The following RAPGEF2 variants were observed in gnomAD, a reference collection of about 807,000 sequenced individuals.
RAPGEF2 encodes the protein PDZ domain containing guanine nucleotide exchange factor (GEF) 1.
In RAPGEF2, 54 loss-of-function variants were observed where a neutral mutation model predicts 186.7. The ratio of observed to expected loss-of-function variants is 0.29; its 90% confidence interval spans 0.23 to 0.36. The LOEUF is 0.36. Ranked by LOEUF, RAPGEF2 falls within the 10% of genes least tolerant of loss-of-function variation. The pLI is 1.00. For missense variants in RAPGEF2, 1,532 were observed against 2,045.0 expected, an observed-to-expected ratio of 0.75 and a Z score of 4.84; for synonymous variants, 712 against 705.9, an observed-to-expected ratio of 1.01 and a Z score of -0.14.
intron 7 of RAPGEF2, among the ~76,000 whole-genome samples, chr4:159,287,522 T>C (rs1024942923): frequency 4.6e-5 from 7 of 152,266 alleles, no homozygotes; most frequent in Admixed American, 3.9e-4. Flanking sequence ...GGATGTCTCC[T>C]TGAGTGATAG....
intron 2 of RAPGEF2, among the ~76,000 whole-genome samples, chr4:159,190,616 C>A (rs1011661303): frequency 2.0e-5 from 3 of 152,126 alleles, no homozygotes; most frequent in Admixed American, 2.0e-4. Flanking sequence ...CTCATAGTTC[C>A]GCATGGCTGG....
chr4:159,283,312 GTTCT>G (rs1424015201), intron 7 of RAPGEF2, among the ~76,000 whole-genome samples: 1 of 151,932 alleles, frequency 6.6e-6, no homozygotes, highest in Admixed American at 6.6e-5. Flanking sequence ...TTTCCAATGT[GTTCT>G]TTATTTCTTT....
At chr4:159,316,011 G>A (rs1454629831) in intron 9 of RAPGEF2, among the ~76,000 whole-genome samples, 1 of 152,148 alleles carries the variant, frequency 6.6e-6, no homozygotes, top group Non-Finnish European at 1.5e-5. Context: ...CCCTTTCCCG[G>A]TCTGCTAAGT....
intron 2 of RAPGEF2, among the ~76,000 whole-genome samples, chr4:159,192,859 T>C (rs2111313990): frequency 6.6e-6 from 1 of 152,344 alleles, no homozygotes; most frequent in Admixed American, 6.5e-5. Flanking sequence ...TTTAAACTTT[T>C]AGGTTCCTTC....
intron 3 of RAPGEF2, among the ~76,000 whole-genome samples, chr4:159,196,345 T>C (rs1748653141): frequency 6.6e-6 from 1 of 152,220 alleles, no homozygotes; most frequent in African/African-American, 2.4e-5. Flanking sequence ...TTATTACCTT[T>C]TGGGGAAATG....
chr4:159,348,234 AGATAGATAGATG>A (rs1190925635), intron 25 of RAPGEF2, among the ~76,000 whole-genome samples: 4 of 131,312 alleles, frequency 3.0e-5, no homozygotes, highest in South Asian at 5.6e-4. Context: ...ATAGATAGAT[AGATAGATAGATG>A]GATGGATGGA....
chr4:159,108,383 C>CTTTTTT (rs35882271), intron 1 of RAPGEF2, among the ~76,000 whole-genome samples: 3 of 107,872 alleles, frequency 2.8e-5, no homozygotes, highest in Non-Finnish European at 3.9e-5. Flanking sequence ...ACAGAACTTT[C>CTTTTTT]TTTTTTTTTT....
intron 11 of RAPGEF2, among the ~76,000 whole-genome samples, chr4:159,325,817 A>G (rs1180173193): frequency 6.6e-6 from 1 of 152,296 alleles, no homozygotes; most frequent in East Asian, 1.9e-4. Context: ...TGGAAAAGGA[A>G]GAGGAAGTAG....
At chr4:159,289,610 CT>C (rs1345377015) in intron 7 of RAPGEF2, among the ~76,000 whole-genome samples, 2 of 152,142 alleles carry the variant, frequency 1.3e-5, no homozygotes, top group Admixed American at 1.3e-4. Context: ...TAAATACTTA[CT>C]ATACCTTAGG....
At chr4:159,345,395 T>C in intron 24 of RAPGEF2, 66 bp downstream of exon 24, 1 of 1,458,302 alleles carries the variant, frequency 6.9e-7, no homozygotes, top group South Asian at 1.2e-5. Context: ...TGTGCAGTGG[T>C]ATGGGCAGTG....
chr4:159,251,942 ACACT>A (rs1160624496), intron 7 of RAPGEF2, among the ~76,000 whole-genome samples: 3 of 152,142 alleles, frequency 2.0e-5, no homozygotes, highest in African/African-American at 7.2e-5. Context: ...AAGAGCGGTA[ACACT>A]CACCGCGGAG....
Position 159,350,165 on chromosome 4 carries a change from A to G in RAPGEF2, c.3741A>G (p.Lys1247=). The G allele has an allele frequency of 6.3e-7, 1 of 1,576,382 alleles. No homozygotes were observed. Among genetic ancestry groups the G allele is most frequent in the South Asian group, 1.2e-5 (1 of 82,524 alleles). The change falls in exon 26 of 30, where the codon AAA becomes AAG. Residue 1247 remains lysine (K), a synonymous_variant. Transcript: ENST00000691494. ...TAAACTCTCCACAAGCTTTAAAAAAAATTCTTTCTTTGTCTGAAGAAGGAA... is the reference window on the plus strand; with the variant it reads ...TAAACTCTCCACAAGCTTTAAAAAAGATTCTTTCTTTGTCTGAAGAAGGAA... ...FGINSPQALK[K]ILSLSEEGSL...
rs1353497321 is a variant in RAPGEF2 at position 159,353,561 on chromosome 4, A to T, written c.4166A>T (p.Glu1389Val). Residue 1389 changes from glutamate (E) to valine (V), a missense_variant, in exon 28 of 30, where the codon GAA becomes GTA. By Grantham distance (121) the Glu-to-Val change is moderately radical (BLOSUM62 -2). This residue lies in a region of RAPGEF2 where 594 missense variants were observed against 608.5 expected (regional missense o/e 0.98). Coordinates refer to ENST00000691494, the MANE Select transcript of RAPGEF2 (RefSeq NM_001394067.2). The surrounding 1 kb of genome is among the most constrained non-coding windows in gnomAD (Gnocchi z 4.3). ...ATVISSPSTE[E>V]LSQDQGDRAS... Reference sequence around the variant, plus strand: ...GTAATTTCTTCTCCAAGCACAGAGGAACTTTCCCAGGATCAGGGGGATCGC... The same window carrying T: ...GTAATTTCTTCTCCAAGCACAGAGGTACTTTCCCAGGATCAGGGGGATCGC... The T allele has an allele frequency of 6.4e-7, 1 of 1,567,108 alleles. No individual in the cohort carries two copies. The highest frequency in any genetic ancestry group is 2.0e-5 in the Admixed American group (1 of 50,826).
At chr4:159,197,494 T>C (rs1312951447) in intron 3 of RAPGEF2, among the ~76,000 whole-genome samples, 1 of 152,236 alleles carries the variant, frequency 6.6e-6, no homozygotes, top group Non-Finnish European at 1.5e-5. Flanking sequence ...TCCACATACA[T>C]GTGAATGACT....
At chr4:159,220,701 C>G (rs1751451074) in intron 4 of RAPGEF2, among the ~76,000 whole-genome samples, 1 of 152,176 alleles carries the variant, frequency 6.6e-6, no homozygotes, top group South Asian at 2.1e-4. Flanking sequence ...CCCTTGTATT[C>G]CTGTCAGGAT....
At chr4:159,282,856 C>T (rs932773822) in intron 7 of RAPGEF2, among the ~76,000 whole-genome samples, 1 of 152,092 alleles carries the variant, frequency 6.6e-6, no homozygotes, top group African/African-American at 2.4e-5. Context: ...TTATGGGGCT[C>T]ATAAATGCTG....
chr4:159,297,965 T>G (rs1762219856), intron 7 of RAPGEF2, among the ~76,000 whole-genome samples: 1 of 152,216 alleles, frequency 6.6e-6, no homozygotes, highest in Admixed American at 6.5e-5. Flanking sequence ...GAACAGAAGA[T>G]TAATCCGTAT....
In RAPGEF2 at chr4:159,104,520, GAGAGAGGGAGAGAC is replaced by G. The variant is rs1160523479; in HGVS notation, c.69+296_69+309del. Among the ~76,000 whole-genome samples, 370 of 127,858 alleles carry G rather than the reference GAGAGAGGGAGAGAC, an allele frequency of 2.9e-3. 2 individuals are homozygous for G. Among genetic ancestry groups the G allele is most frequent in the Middle Eastern group, 7.4e-3 (2 of 270 alleles). 83.9% of individuals were successfully genotyped at this position (127,858 alleles called of 152,430 possible). On this transcript the variant is annotated intron_variant, in intron 1 of 29. Transcript: ENST00000691494. ...AGAGAGAGAGAGAGAGAGAGAGAGA[GAGAGAGGGAGAGAC>G]AGAGAGAGAGAGAGAGAGAGTGTGT... is the stretch of plus-strand genomic sequence containing the variant.
chr4:159,197,743 C>T (rs932250720), intron 3 of RAPGEF2, among the ~76,000 whole-genome samples: 2 of 152,180 alleles, frequency 1.3e-5, no homozygotes, highest in African/African-American at 4.8e-5. Flanking sequence ...GCAGCTATTC[C>T]CACTGCTCTG....
Sources: gnomAD v4.1 joint callset for allele counts (sites outside exome capture counted in the v4.1 genomes callset) on GRCh38, gnomAD v4.1.1 for gene constraint, gnomAD v4.1.1 regional missense constraint, Gnocchi (gnomAD v3.1) non-coding constraint, MANE v1.5 for transcripts, NCBI Gene and HGNC (gene_info 2026-07-23, HGNC 2026-07-21) for gene names.